The following MGAT5B variants were observed in gnomAD, a reference collection of about 807,000 sequenced individuals.
The protein encoded by MGAT5B is alpha-1,6-mannosylglycoprotein 6-beta-N-acetylglucosaminyltransferase B.
MGAT5B carries 54 observed loss-of-function variants against 95.1 expected under a neutral mutation model. The observed-to-expected ratio is 0.57, with a 90% confidence interval of 0.46 to 0.71. The LOEUF is 0.71. Ranked by LOEUF, MGAT5B falls within the 30% of genes least tolerant of loss-of-function variation. The pLI is 0.00. For synonymous variants in MGAT5B, 464 were observed against 451.0 expected (o/e 1.03, Z -0.36); for missense variants, 935 against 1,088.6 (o/e 0.86, Z 1.99).
At chr17:76,921,516 C>A (rs1969123475) in intron 8 of MGAT5B, among the ~76,000 whole-genome samples, 1 of 152,108 alleles carries the variant, frequency 6.6e-6, no homozygotes, top group African/African-American at 2.4e-5. Flanking sequence ...TGGGGTGAGG[C>A]CTGACTGCCC....
At chr17:76,924,720 G>T (rs975914750) in intron 8 of MGAT5B, among the ~76,000 whole-genome samples, 6 of 152,200 alleles carry the variant, frequency 3.9e-5, no homozygotes, top group African/African-American at 1.4e-4. Context: ...CTTCTTCCTG[G>T]CAGGTAACCC....
chr17:76,923,189 C>T (rs771323795), intron 8 of MGAT5B, among the ~76,000 whole-genome samples: 21 of 152,210 alleles, frequency 1.4e-4, no homozygotes, highest in Non-Finnish European at 2.6e-4. Context: ...CCTTTCAGGC[C>T]GGTACTTTTC....
intron 10 of MGAT5B, among the ~76,000 whole-genome samples, chr17:76,928,748 G>A (rs548628227): frequency 1.3e-5 from 2 of 152,114 alleles, no homozygotes; most frequent in South Asian, 4.2e-4. Context: ...AGGAAGGGAA[G>A]CAGTCAGATT....
intron 3 of MGAT5B, among the ~76,000 whole-genome samples, chr17:76,896,533 C>T (rs1337404436): frequency 6.6e-6 from 1 of 152,182 alleles, no homozygotes; most frequent in Non-Finnish European, 1.5e-5. Context: ...GCATATCAAG[C>T]ATGTATTGAG....
At chr17:76,931,632 C>T (rs1326595167) in intron 10 of MGAT5B, among the ~76,000 whole-genome samples, 2 of 130,610 alleles carry the variant, frequency 1.5e-5, no homozygotes, top group Non-Finnish European at 3.5e-5. Flanking sequence ...TGGTGATTGT[C>T]GGGCGGACTT....
chr17:76,904,224 C>T, intron 5 of MGAT5B, 28 bp from the exon 6 acceptor site: 1 of 1,585,400 alleles, frequency 6.3e-7, no homozygotes, highest in Non-Finnish European at 8.6e-7. Flanking sequence ...CTGGCGCAGC[C>T]CCCTGCCCAG....
Position 76,938,157 on chromosome 17 carries a change from C to T in MGAT5B, c.1584+14C>T. On this transcript the variant is annotated intron_variant, in intron 13 of 17. Coordinates refer to ENST00000569840, the MANE Select transcript of MGAT5B (RefSeq NM_001199172.2). This position sits in a 1 kb window ranked among gnomAD's most constrained non-coding sequence, Gnocchi z 4.3. ...CGCAAGGCCAAAGTGAGCTCCCATCCCCCGCACCATTCTCACACTTGCCGG... is the reference window on the plus strand; with the variant it reads ...CGCAAGGCCAAAGTGAGCTCCCATCTCCCGCACCATTCTCACACTTGCCGG... 3 of 1,612,558 alleles carry T rather than the reference C, an allele frequency of 1.9e-6. No homozygotes were observed. The highest frequency in any genetic ancestry group is 2.5e-6 in the Non-Finnish European group (3 of 1,178,934).
chr17:76,915,841 C>T lies in MGAT5B; in HGVS notation c.1026-9125C>T, dbSNP rs1348128389. Among the ~76,000 whole-genome samples the T allele has an allele frequency of 6.6e-6, 1 of 152,212 alleles. No individual in the cohort carries two copies. The highest frequency in any genetic ancestry group is 6.5e-5 in the Admixed American group (1 of 15,286). On this transcript the variant is annotated intron_variant, in intron 8 of 17. Transcript: ENST00000569840. The surrounding 1 kb of genome is among the most constrained non-coding windows in gnomAD (Gnocchi z 8.7). ...CAGTTTCAAGGAGGCATTTTAACCT[C>T]CTGGCTGAGCGGGGAGCGAGCGCAG...
intron 16 of MGAT5B, 80 bp downstream of exon 16, chr17:76,946,530 G>A: frequency 1.6e-6 from 2 of 1,252,210 alleles, no homozygotes; most frequent in Non-Finnish European, 2.2e-6. Context: ...GTCTGCCCAG[G>A]GCCCTGCACC....
chr17:76,884,492 GGCACGGTCTCGGGTCACT>G (rs1246469325), intron 3 of MGAT5B, among the ~76,000 whole-genome samples: 1 of 152,122 alleles, frequency 6.6e-6, no homozygotes, highest in Non-Finnish European at 1.5e-5. Flanking sequence ...GACCAGCAGT[GGCACGGTCTCGGGTCACT>G]GCAACCTCCG....
At chr17:76,935,203 C>T (rs1969611445) in intron 12 of MGAT5B, among the ~76,000 whole-genome samples, 1 of 152,186 alleles carries the variant, frequency 6.6e-6, no homozygotes, top group Non-Finnish European at 1.5e-5. Flanking sequence ...CTGGAGGAAA[C>T]ATTCCAGGCC....
chr17:76,935,048 C>G (rs1433354279), intron 12 of MGAT5B, among the ~76,000 whole-genome samples: 1 of 152,152 alleles, frequency 6.6e-6, no homozygotes, highest in Admixed American at 6.5e-5. Context: ...TCTGCATTCC[C>G]CAGAAAGTGG....
At chr17:76,946,750 A>C (rs1265351108) in intron 16 of MGAT5B, among the ~76,000 whole-genome samples, 2 of 152,232 alleles carry the variant, frequency 1.3e-5, no homozygotes. Flanking sequence ...AGTGGTTCGA[A>C]AGTCTGCTAA....
intron 3 of MGAT5B, among the ~76,000 whole-genome samples, chr17:76,890,141 G>A (rs1346739815): frequency 6.6e-6 from 1 of 152,234 alleles, no homozygotes; most frequent in East Asian, 1.9e-4. Flanking sequence ...GGTCTGAAGA[G>A]GGACAGTGAG....
chr17:76,889,054 G>A lies in MGAT5B; in HGVS notation c.329+6756G>A, dbSNP rs474589. Among the ~76,000 whole-genome samples the A allele has an allele frequency of 0.36, 54,244 of 152,092 alleles. 11,834 individuals carry two copies. Among genetic ancestry groups the A allele is most frequent in the African/African-American group, 0.58 (24,107 of 41,476 alleles). On this transcript the variant is annotated intron_variant, in intron 3 of 17. Transcript: ENST00000569840. The surrounding 1 kb of genome is among the most constrained non-coding windows in gnomAD (Gnocchi z 4.4). ...CTTGGCATTCTTTTACTTTCCGAGT[G>A]AGAAACGATGGTTTTGGTAGAATGC...
At position 76,947,950 on chromosome 17, in the gene MGAT5B, G is replaced by A. The variant is rs748986015; in HGVS notation, c.2044G>A (p.Ala682Thr). The A allele has an allele frequency of 5.0e-6, 8 of 1,612,444 alleles. No individual in the cohort carries two copies. The Admixed American group carries it at 1.0e-4, about 20-fold the overall frequency. Reference protein sequence around the residue: ...WARNTSLAPGAWPPAHALRAW... With the variant: ...WARNTSLAPGTWPPAHALRAW... Reference sequence around the variant, plus strand: ...TCGGAACACCAGCTTGGCTCCTGGGGCCTGGCCCCCCGCGCACGCCCTGCG... The same window carrying A: ...TCGGAACACCAGCTTGGCTCCTGGGACCTGGCCCCCCGCGCACGCCCTGCG... Residue 682 changes from alanine (A) to threonine (T), a missense_variant, in exon 17 of 18, where the codon GCC (alanine) becomes ACC (threonine). Physicochemically the swap from Ala to Thr is moderately conservative, Grantham distance 58. Transcript: ENST00000569840.
intron 15 of MGAT5B, among the ~76,000 whole-genome samples, chr17:76,941,184 A>G (rs1222808446): frequency 6.6e-6 from 1 of 152,222 alleles, no homozygotes; most frequent in Non-Finnish European, 1.5e-5. Context: ...TTCACGATGG[A>G]TGTGTGGAGG....
rs1192029182 is a variant in MGAT5B at position 76,938,350 on chromosome 17, C to G, written c.1584+207C>G. ...AGGAGAGGTCCTATAGAGAAAGGGA[C>G]CTGGGCAGGGCCAGCAGAGCAGCAG... is the stretch of plus-strand genomic sequence containing the variant. On this transcript the variant is annotated intron_variant, in intron 13 of 17. Coordinates refer to ENST00000569840, the MANE Select transcript of MGAT5B (RefSeq NM_001199172.2). This position sits in a 1 kb window ranked among gnomAD's most constrained non-coding sequence, Gnocchi z 4.3. 6.6e-6 allele frequency among the ~76,000 whole-genome samples: 1 copy of G among 152,196 alleles called. No individual in the cohort carries two copies.
chr17:76,876,598 G>A (rs1237140316), intron 2 of MGAT5B, among the ~76,000 whole-genome samples: 3 of 152,202 alleles, frequency 2.0e-5, no homozygotes, highest in Admixed American at 2.0e-4. Context: ...GGGAGGAGAA[G>A]GCTTTTCTCG....
Sources: gnomAD v4.1 joint callset for allele counts (sites outside exome capture counted in the v4.1 genomes callset) on GRCh38, gnomAD v4.1.1 for gene constraint, Gnocchi (gnomAD v3.1) non-coding constraint, MANE v1.5 for transcripts, NCBI Gene and HGNC (gene_info 2026-07-23, HGNC 2026-07-21) for gene names.